WDFY2: variants seen among roughly 807,000 people sequenced by gnomAD.
WDFY2 encodes WD repeat and FYVE domain containing 2, also known as WD repeat and FYVE domain-containing protein 2.
Under a neutral mutation model 56.4 loss-of-function variants are expected in WDFY2, and 36 were observed. The ratio of observed to expected loss-of-function variants is 0.64; its 90% CI spans 0.49 to 0.84. The LOEUF is 0.84. WDFY2 is among the 40% of genes least tolerant of loss of function. The pLI is 0.00. For synonymous variants in WDFY2, 176 were observed against 183.7 expected, an observed-to-expected ratio of 0.96 and a Z score of 0.34; for missense variants, 444 against 512.2, an observed-to-expected ratio of 0.87 and a Z score of 1.29.
chr13:51,587,926 A>G (rs1377407979), intron 1 of WDFY2: 7 of 152,210 alleles, frequency 4.6e-5, no homozygotes, highest in African/African-American at 1.7e-4. Context: ...TCTTGCCTTC[A>G]GGTTCCTTTT....
intron 1 of WDFY2, among the ~76,000 whole-genome samples, chr13:51,639,897 G>A (rs912042153): frequency 2.0e-5 from 3 of 152,046 alleles, no homozygotes; most frequent in African/African-American, 7.2e-5. Flanking sequence ...CATATATATT[G>A]AGAATATTTG....
chr13:51,684,992 AC>A (rs749023319), intron 3 of WDFY2, among the ~76,000 whole-genome samples: 2 of 152,064 alleles, frequency 1.3e-5, no homozygotes, highest in African/African-American at 2.4e-5. Context: ...CATTCTCCCC[AC>A]TTGGTCAGTC....
chr13:51,660,090 A>G (rs1955582444), intron 1 of WDFY2, among the ~76,000 whole-genome samples: 1 of 152,226 alleles, frequency 6.6e-6, no homozygotes, highest in African/African-American at 2.4e-5. Context: ...CTGAATATGT[A>G]GAAGCCGCAA....
In WDFY2 at chr13:51,611,334, C is replaced by T. The variant is rs116635131; in HGVS notation, c.137+26510C>T. Among the ~76,000 whole-genome samples, 274 of 152,248 alleles carry T rather than the reference C, an allele frequency of 1.8e-3. 1 individual carries two copies. The highest frequency in any genetic ancestry group is 6.1e-3 in the African/African-American group (254 of 41,528). ...ATAGTCACAGTTTTTCAAAACCTCA[C>T]ATTTTACTGTGTTAGAAATGGTGGT... On this transcript the variant is annotated intron_variant, in intron 1 of 11. Coordinates refer to ENST00000298125, the MANE Select transcript of WDFY2 (RefSeq NM_052950.4).
intron 3 of WDFY2, among the ~76,000 whole-genome samples, chr13:51,697,461 C>T (rs1441572631): frequency 6.6e-6 from 1 of 151,842 alleles, no homozygotes; most frequent in Non-Finnish European, 1.5e-5. Flanking sequence ...GGTAAAACGC[C>T]ATCTCTACAA....
At chr13:51,663,727 G>T (rs1955654955) in intron 2 of WDFY2, among the ~76,000 whole-genome samples, 1 of 152,110 alleles carries the variant, frequency 6.6e-6, no homozygotes, top group Non-Finnish European at 1.5e-5. Context: ...ATTGAGAGGG[G>T]TTTTGTTAAG....
At chr13:51,633,828 A>C (rs749947981) in intron 1 of WDFY2, among the ~76,000 whole-genome samples, 5 of 152,140 alleles carry the variant, frequency 3.3e-5, no homozygotes, top group Non-Finnish European at 5.9e-5. Context: ...TCCCCCTATG[A>C]TTTTTAATAA....
intron 6 of WDFY2, among the ~76,000 whole-genome samples, chr13:51,731,174 C>G (rs1593458516): frequency 1.3e-5 from 2 of 152,254 alleles, no homozygotes; most frequent in East Asian, 3.9e-4. Flanking sequence ...CCCAGGTTTG[C>G]TTTAGGCAGA....
intron 3 of WDFY2, among the ~76,000 whole-genome samples, chr13:51,690,118 A>G (rs1279201410): frequency 6.6e-6 from 1 of 151,564 alleles, no homozygotes; most frequent in African/African-American, 2.4e-5. Flanking sequence ...TTAACATGTA[A>G]TACATTTGCT....
At chr13:51,635,841 A>T (rs1307097731) in intron 1 of WDFY2, among the ~76,000 whole-genome samples, 2 of 152,218 alleles carry the variant, frequency 1.3e-5, no homozygotes, top group African/African-American at 2.4e-5. Flanking sequence ...TCCTTCTGCT[A>T]CTATTATTTA....
intron 6 of WDFY2, 109 bp downstream of exon 6, chr13:51,727,899 T>A (rs1262570487): frequency 1.0e-6 from 1 of 989,440 alleles, no homozygotes; most frequent in Non-Finnish European, 1.5e-6. Flanking sequence ...CAATCCATGC[T>A]TGTGCAAAGA....
intron 2 of WDFY2, among the ~76,000 whole-genome samples, chr13:51,673,642 T>TTC (rs1306674927): frequency 6.6e-6 from 1 of 152,216 alleles, no homozygotes; most frequent in African/African-American, 2.4e-5. Context: ...GATTATTAGA[T>TTC]TCTAATTCTG....
chr13:51,628,494 G>A (rs1275519121), intron 1 of WDFY2, among the ~76,000 whole-genome samples: 1 of 152,200 alleles, frequency 6.6e-6, no homozygotes, highest in Non-Finnish European at 1.5e-5. Context: ...AGCTTCAGCT[G>A]GATGGCTGCA....
At chr13:51,728,074 A>G (rs1445396867) in intron 6 of WDFY2, among the ~76,000 whole-genome samples, 1 of 152,248 alleles carries the variant, frequency 6.6e-6, no homozygotes, top group Non-Finnish European at 1.5e-5. Flanking sequence ...GCATACATTA[A>G]TGAGGCATTG....
At chr13:51,640,380 C>A (rs1483442550) in intron 1 of WDFY2, among the ~76,000 whole-genome samples, 3 of 152,132 alleles carry the variant, frequency 2.0e-5, no homozygotes, top group Non-Finnish European at 4.4e-5. Flanking sequence ...TAGTTATCAA[C>A]CTTTGTCAGT....
In WDFY2 at chr13:51,756,351, G is replaced by C; in HGVS notation, c.953G>C (p.Gly318Ala). 6.2e-7 allele frequency: 1 copy of C among 1,613,764 alleles called. No individual in the cohort carries two copies. Among genetic ancestry groups the C allele is most frequent in the Non-Finnish European group, 8.5e-7 (1 of 1,179,818 alleles). Reference protein sequence around the residue: ...GLRQHHCRKCGKAVCGKCSSK... With the variant: ...GLRQHHCRKCAKAVCGKCSSK... ...CTCCAGCACCACTGCCGCAAGTGTG[G>C]GAAGGCCGTCTGTGGCAAGTGCAGC... Residue 318 changes from glycine (G) to alanine (A), a missense_variant, in exon 10 of 12, where the codon GGG (glycine) becomes GCG (alanine). Physicochemically the swap from Gly to Ala is moderately conservative, Grantham distance 60. Coordinates refer to ENST00000298125, the MANE Select transcript of WDFY2 (RefSeq NM_052950.4).
At chr13:51,658,287 A>G (rs1227779816) in intron 1 of WDFY2, among the ~76,000 whole-genome samples, 1 of 152,196 alleles carries the variant, frequency 6.6e-6, no homozygotes, top group Non-Finnish European at 1.5e-5. Flanking sequence ...TGCGTCCGAT[A>G]AGGATAAAAA....
chr13:51,732,306 T>C (rs1312446160), intron 6 of WDFY2, among the ~76,000 whole-genome samples: 2 of 152,060 alleles, frequency 1.3e-5, no homozygotes, highest in African/African-American at 4.8e-5. Flanking sequence ...AATTTTTGTA[T>C]TTTTAGTAGA....
intron 1 of WDFY2, chr13:51,588,731 G>T (rs995369714): frequency 6.6e-6 from 1 of 152,108 alleles, no homozygotes; most frequent in African/African-American, 2.4e-5. Flanking sequence ...GGTGGACAAC[G>T]GAGCCAATTG....
Sources: allele counts gnomAD v4.1 joint callset (sites outside exome capture counted in the v4.1 genomes callset), GRCh38; gene constraint gnomAD v4.1.1; transcripts MANE v1.5; gene names NCBI Gene and HGNC (gene_info 2026-07-23, HGNC 2026-07-21).